Variants in PPARGC1B observed in about 807,000 individuals in gnomAD.
PPARGC1B encodes the protein peroxisome proliferator-activated receptor gamma coactivator 1-beta.
A neutral mutation model predicts 101.6 loss-of-function variants in PPARGC1B; 34 were observed. That is an observed-to-expected ratio of 0.33 (90% CI 0.25 to 0.45). The LOEUF is 0.45. Ranked by LOEUF, PPARGC1B falls within the 20% of genes least tolerant of loss-of-function variation. PPARGC1B has a pLI of 1.00. For synonymous variants in PPARGC1B, 548 were observed against 539.3 expected (o/e 1.02, Z -0.22); for missense variants, 1,234 against 1,317.6 (o/e 0.94, Z 0.98).
At chr5:149,776,395 A>C (rs1756361667) in intron 1 of PPARGC1B, among the ~76,000 whole-genome samples, 1 of 152,008 alleles carries the variant, frequency 6.6e-6, no homozygotes, top group African/African-American at 2.4e-5. Context: ...TTATTTTTTC[A>C]ACTTCCAGCA....
chr5:149,744,110 G>A (rs1162509782), intron 1 of PPARGC1B, among the ~76,000 whole-genome samples: 1 of 152,224 alleles, frequency 6.6e-6, no homozygotes, highest in Non-Finnish European at 1.5e-5. Flanking sequence ...GGGCAAGAGA[G>A]GACTTGGGGA....
At position 149,837,191 on chromosome 5, in the gene PPARGC1B, C is replaced by T; in HGVS notation, c.2618+118C>T. On this transcript the variant is annotated intron_variant, in intron 8 of 11. Transcript: ENST00000309241. This position sits in a 1 kb window ranked among gnomAD's most constrained non-coding sequence, Gnocchi z 4.2. ...GCTTGCTCTGAAACTGAGGCTGCAT[C>T]TCCCAGTGTGGCCCATGTCTTGGTC... The T allele has an allele frequency of 6.9e-7, 1 of 1,440,684 alleles. No individual in the cohort carries two copies. The allele number at this position is 1,440,684 out of a possible 1,614,324, so 89.2% of individuals were successfully genotyped here.
At chr5:149,779,226 C>T (rs1756505058) in intron 1 of PPARGC1B, among the ~76,000 whole-genome samples, 1 of 152,212 alleles carries the variant, frequency 6.6e-6, no homozygotes, top group South Asian at 2.1e-4. Flanking sequence ...TGCCAGGCCT[C>T]TCTGGCTTTG....
intron 9 of PPARGC1B, among the ~76,000 whole-genome samples, chr5:149,840,941 T>C (rs1759310410): frequency 6.6e-6 from 1 of 152,080 alleles, no homozygotes. Context: ...CCGTGGACTG[T>C]GCATGGAGCA....
chr5:149,809,885 T>TC (rs1431524601), intron 1 of PPARGC1B, among the ~76,000 whole-genome samples: 1 of 151,814 alleles, frequency 6.6e-6, no homozygotes, highest in Admixed American at 6.6e-5. Context: ...GAGGCCCATC[T>TC]GGGGAGGGAC....
At chr5:149,751,427 C>T (rs1343490585) in intron 1 of PPARGC1B, among the ~76,000 whole-genome samples, 1 of 152,114 alleles carries the variant, frequency 6.6e-6, no homozygotes, top group Non-Finnish European at 1.5e-5. Flanking sequence ...TAATCCCGGC[C>T]GGGCACGCTG....
intron 11 of PPARGC1B, 124 bp downstream of exon 11, chr5:149,846,038 T>G: frequency 1.7e-6 from 2 of 1,153,106 alleles, no homozygotes; most frequent in Non-Finnish European, 2.6e-6. Flanking sequence ...CACCCCAGTG[T>G]GCTGCTTGGT....
At chr5:149,800,091 A>G (rs1757381443) in intron 1 of PPARGC1B, among the ~76,000 whole-genome samples, 1 of 152,102 alleles carries the variant, frequency 6.6e-6, no homozygotes, top group East Asian at 1.9e-4. Context: ...GAAAGTAAAT[A>G]TTCTCTGACC....
chr5:149,735,163 T>C (rs1754655165), intron 1 of PPARGC1B, among the ~76,000 whole-genome samples: 1 of 152,228 alleles, frequency 6.6e-6, no homozygotes, highest in Non-Finnish European at 1.5e-5. Flanking sequence ...CTTCTTCACC[T>C]GAGCCAGAAG....
At chr5:149,818,923 A>T in intron 1 of PPARGC1B, 1 of 455,122 alleles carries the variant, frequency 2.2e-6, no homozygotes, top group Admixed American at 2.4e-5. Flanking sequence ...GTGAATGGGG[A>T]TCTCAACTCA....
At chr5:149,786,238 G>A (rs1376699045) in intron 1 of PPARGC1B, among the ~76,000 whole-genome samples, 1 of 152,078 alleles carries the variant, frequency 6.6e-6, no homozygotes, top group Non-Finnish European at 1.5e-5. Flanking sequence ...GATTACAGGT[G>A]TGCATCATCA....
chr5:149,847,599 C>A lies in PPARGC1B; in HGVS notation c.*41C>A. 1 of 1,424,202 alleles carries A rather than the reference C, an allele frequency of 7.0e-7. No homozygotes were observed. Among genetic ancestry groups the A allele is most frequent in the Non-Finnish European group, 9.9e-7 (1 of 1,009,712 alleles). 88.2% of individuals were successfully genotyped at this position (1,424,202 alleles called of 1,614,324 possible). A position where few individuals can be genotyped will look rare whatever the true frequency, so the allele number is the denominator to read the frequency against. On this transcript the variant is annotated 3_prime_UTR_variant, in exon 12 of 12. Transcript: ENST00000309241. ...TCGAGGAATACCTCAATACCTCAGA[C>A]AAGGCCCTTCCAATATGTTTACGTT...
chr5:149,805,801 G>T (rs1019106921), intron 1 of PPARGC1B, among the ~76,000 whole-genome samples: 1 of 152,258 alleles, frequency 6.6e-6, no homozygotes, highest in African/African-American at 2.4e-5. Flanking sequence ...ATGATGGGTT[G>T]CCACTATATG....
At chr5:149,745,274 A>C (rs910282494) in intron 1 of PPARGC1B, among the ~76,000 whole-genome samples, 4 of 152,118 alleles carry the variant, frequency 2.6e-5, no homozygotes, top group Admixed American at 2.0e-4. Context: ...CCAGCTCCCA[A>C]ATGGGAATGA....
intron 2 of PPARGC1B, among the ~76,000 whole-genome samples, chr5:149,821,277 A>G (rs1250067153): frequency 1.3e-5 from 2 of 152,200 alleles, no homozygotes; most frequent in Non-Finnish European, 2.9e-5. Flanking sequence ...AAGAACCACT[A>G]TTATGCATGT....
At chr5:149,823,935 CT>C (rs1358475632) in intron 2 of PPARGC1B, among the ~76,000 whole-genome samples, 19 of 152,324 alleles carry the variant, frequency 1.2e-4, no homozygotes, top group Admixed American at 1.2e-3. Flanking sequence ...AGTCCTACCC[CT>C]GACTCACTGT....
chr5:149,785,709 C>T (rs548551074), intron 1 of PPARGC1B, among the ~76,000 whole-genome samples: 25 of 152,248 alleles, frequency 1.6e-4, no homozygotes, highest in African/African-American at 5.3e-4. Flanking sequence ...CCAAGTGGTT[C>T]AGGTGTGTCT....
intron 1 of PPARGC1B, among the ~76,000 whole-genome samples, chr5:149,764,718 C>T (rs1409413814): frequency 6.6e-6 from 1 of 152,002 alleles, no homozygotes; most frequent in East Asian, 1.9e-4. Flanking sequence ...ATAGCTGGTA[C>T]ACATAATTTA....
chr5:149,828,909 G>A (rs886430197), intron 3 of PPARGC1B, among the ~76,000 whole-genome samples: 1 of 151,590 alleles, frequency 6.6e-6, no homozygotes, highest in Non-Finnish European at 1.5e-5. Flanking sequence ...AAATTAGCCC[G>A]GTATGGTGGC....
Sources: allele counts gnomAD v4.1 joint callset (sites outside exome capture counted in the v4.1 genomes callset), GRCh38; gene constraint gnomAD v4.1.1; non-coding constraint Gnocchi (gnomAD v3.1); transcripts MANE v1.5; gene names NCBI Gene and HGNC (gene_info 2026-07-23, HGNC 2026-07-21).